Variants in SLAIN2 observed in about 807,000 individuals in gnomAD.
SLAIN2 encodes the protein SLAIN family member 2, also known as SLAIN motif-containing protein 2.
Under a neutral mutation model 56.6 loss-of-function variants are expected in SLAIN2, and 31 were observed. That is an observed-to-expected ratio of 0.55 (90% CI 0.41 to 0.74). SLAIN2 has a LOEUF of 0.74. SLAIN2 is among the 30% of genes least tolerant of loss of function. The pLI is 0.00. For missense variants in SLAIN2, 777 were observed against 754.2 expected, an observed-to-expected ratio of 1.03 and a Z score of -0.35; for synonymous variants, 317 against 284.9, an observed-to-expected ratio of 1.11 and a Z score of -1.13.
intron 6 of SLAIN2, among the ~76,000 whole-genome samples, chr4:48,418,745 A>G (rs1717065076): frequency 3.9e-5 from 6 of 152,098 alleles, no homozygotes; most frequent in Admixed American, 3.3e-4. Flanking sequence ...CATTTGGTGG[A>G]ATTTCCCAAG....
At chr4:48,373,935 G>T (rs1427939816) in intron 2 of SLAIN2, among the ~76,000 whole-genome samples, 1 of 152,142 alleles carries the variant, frequency 6.6e-6, no homozygotes, top group Non-Finnish European at 1.5e-5. Flanking sequence ...CTACTCGGGA[G>T]GCTGAGGCAG....
intron 1 of SLAIN2, among the ~76,000 whole-genome samples, chr4:48,363,835 C>T (rs1288705194): frequency 2.9e-5 from 4 of 137,172 alleles, no homozygotes; most frequent in East Asian, 2.3e-4. Flanking sequence ...GGTGGCTGGC[C>T]GGGCTGAGGG....
chr4:48,419,870 A>G (rs1717100807), intron 6 of SLAIN2, among the ~76,000 whole-genome samples: 1 of 152,172 alleles, frequency 6.6e-6, no homozygotes, highest in Non-Finnish European at 1.5e-5. Flanking sequence ...CTCTTCTGGT[A>G]TTATGGATTC....
chr4:48,425,706 A>G lies in SLAIN2; in HGVS notation c.*3629A>G, dbSNP rs1472331286. On this transcript the variant is annotated 3_prime_UTR_variant, in exon 8 of 8. Transcript: ENST00000264313. ...CACTATACTTGTATTATAAATCAAT[A>G]CATAAGTTTAAACCTGTTATATACT... 2 of 152,200 alleles carry G rather than the reference A, an allele frequency of 1.3e-5. No individual in the cohort carries two copies. The highest frequency in any genetic ancestry group is 2.9e-5 in the Non-Finnish European group (2 of 68,022). 9.4% of individuals were successfully genotyped at this position (152,200 alleles called of 1,614,324 possible). A position where few individuals can be genotyped will look rare whatever the true frequency, so the allele number is the denominator to read the frequency against.
At chr4:48,412,365 T>TAC (rs748099130) in intron 6 of SLAIN2, among the ~76,000 whole-genome samples, 11,589 of 112,428 alleles carry the variant, frequency 0.1, 623 homozygotes, top group Non-Finnish European at 0.12. Flanking sequence ...TTTGTATATG[T>TAC]ACACACACAC....
intron 6 of SLAIN2, among the ~76,000 whole-genome samples, chr4:48,418,892 G>A (rs1223916471): frequency 1.3e-5 from 2 of 152,072 alleles, no homozygotes; most frequent in Non-Finnish European, 2.9e-5. Context: ...TTTTGTGTCT[G>A]GCACTCATTT....
rs1716007218 is a variant in SLAIN2, at chr4:48,382,929, T to TA, written c.1222+6dup. On this transcript the variant is annotated splice_region_variant and intron_variant, in intron 5 of 7. Transcript: ENST00000264313. ...AGACAAGCAATGTTAAAAATGAAGGTAAAATAGCAGATTTTACTAATAATT... is the reference window on the plus strand; with the variant it reads ...AGACAAGCAATGTTAAAAATGAAGGTAAAAATAGCAGATTTTACTAATAATT... The TA allele has an allele frequency of 6.3e-7, 1 of 1,593,218 alleles. No individual in the cohort carries two copies. Among genetic ancestry groups the TA allele is most frequent in the East Asian group, 2.3e-5 (1 of 44,210 alleles).
chr4:48,371,701 T>C (rs765317657), intron 2 of SLAIN2, among the ~76,000 whole-genome samples: 6 of 151,994 alleles, frequency 3.9e-5, no homozygotes, highest in Non-Finnish European at 5.9e-5. Context: ...ACACCTGTAA[T>C]CCCAGCTGAT....
At chr4:48,377,754 T>C in intron 2 of SLAIN2, 142 bp from the exon 3 acceptor site, 1 of 785,794 alleles carries the variant, frequency 1.3e-6, no homozygotes, top group Non-Finnish European at 2.0e-6. Flanking sequence ...GGGATTATTA[T>C]ATTTTTTCCC....
intron 6 of SLAIN2, among the ~76,000 whole-genome samples, chr4:48,390,351 A>C (rs573654056): frequency 5.9e-5 from 9 of 152,028 alleles, no homozygotes; most frequent in African/African-American, 2.2e-4. Flanking sequence ...ATGACTCTAA[A>C]TCAAAACTTC....
At chr4:48,370,963 G>A (rs1715646914) in intron 2 of SLAIN2, among the ~76,000 whole-genome samples, 1 of 152,158 alleles carries the variant, frequency 6.6e-6, no homozygotes, top group Admixed American at 6.5e-5. Flanking sequence ...AGTTTATTTG[G>A]TGATAAGGGG....
Position 48,341,891 on chromosome 4 carries a change from G to T in SLAIN2, c.152G>T (p.Arg51Leu), listed in dbSNP as rs761113120. 3.3e-6 allele frequency: 5 copies of T among 1,513,502 alleles called. No homozygotes were observed. The highest frequency in any genetic ancestry group is 3.5e-6 in the Non-Finnish European group (4 of 1,131,946). The allele number at this position is 1,513,502 out of a possible 1,614,324, so 93.8% of individuals were successfully genotyped here. Residue 51 changes from arginine to leucine, a missense_variant, in exon 1 of 8, where the codon CGG becomes CTG. Coordinates refer to ENST00000264313, the MANE Select transcript of SLAIN2 (RefSeq NM_020846.2). ...TCCCTTGGGCCCGGCAGCCCGGTTC[G>T]GGCCGGCGCGTCCATTCCCTCCTCC... ...AGSLGPGSPVRAGASIPSSGA... is the reference protein window; with the variant it reads ...AGSLGPGSPVLAGASIPSSGA...
intron 1 of SLAIN2, among the ~76,000 whole-genome samples, chr4:48,353,673 A>G (rs1383852508): frequency 6.6e-6 from 1 of 152,182 alleles, no homozygotes; most frequent in East Asian, 1.9e-4. Context: ...GCTGTGGAGT[A>G]TATCTGATGG....
At chr4:48,408,530 C>CAA (rs3072283) in intron 6 of SLAIN2, among the ~76,000 whole-genome samples, 35,336 of 108,876 alleles carry the variant, frequency 0.32, 6,345 homozygotes, top group South Asian at 0.49. Flanking sequence ...CCGTTTTTAG[C>CAA]AAAAAAAAAA....
rs538719194 is a variant in SLAIN2 at position 48,422,390 on chromosome 4, C to G, written c.*313C>G. The G allele has an allele frequency of 4.3e-6, 1 of 231,604 alleles. No individual in the cohort carries two copies. Among genetic ancestry groups the G allele is most frequent in the South Asian group, 1.0e-4 (1 of 9,578 alleles). The allele number at this position is 231,604 out of a possible 1,614,324, so 14.3% of individuals were successfully genotyped here. On this transcript the variant is annotated 3_prime_UTR_variant, in exon 8 of 8. Transcript: ENST00000264313. ...ATCTGGGCAAATACCTAATGGATGC[C>G]AAAGAGAAATGCCCATTTGTAAATG... is the stretch of plus-strand genomic sequence containing the variant.
chr4:48,379,815 G>C lies in SLAIN2; in HGVS notation c.829G>C (p.Asp277His). The C allele has an allele frequency of 6.3e-7, 1 of 1,575,932 alleles. No individual in the cohort carries two copies. Among genetic ancestry groups the C allele is most frequent in the Non-Finnish European group, 8.6e-7 (1 of 1,166,908 alleles). The part of the protein sequence containing the change: ...GSNYKLNDVT[D>H]VQILARMQEE... ...CAATTATAAGCTAAATGATGTAACT[G>C]ATGTACAGATTCTAGCCCGGATGCA... The change falls in exon 4 of 8, where the codon GAT (aspartate) becomes CAT (histidine). Residue 277 changes from aspartate to histidine, a missense_variant. Coordinates refer to ENST00000264313, the MANE Select transcript of SLAIN2 (RefSeq NM_020846.2).
At chr4:48,344,138 G>GACC (rs1714799096) in intron 1 of SLAIN2, among the ~76,000 whole-genome samples, 1 of 152,092 alleles carries the variant, frequency 6.6e-6, no homozygotes. Context: ...AGTTTCTTTT[G>GACC]ACCAGATGAT....
At chr4:48,421,682 A>C (rs1717160295) in intron 7 of SLAIN2, among the ~76,000 whole-genome samples, 1 of 151,996 alleles carries the variant, frequency 6.6e-6, no homozygotes, top group Admixed American at 6.6e-5. Flanking sequence ...CTAATATCAC[A>C]TTCATCATTC....
chr4:48,403,682 A>T (rs1308232649), intron 6 of SLAIN2, among the ~76,000 whole-genome samples: 1 of 152,144 alleles, frequency 6.6e-6, no homozygotes, highest in East Asian at 1.9e-4. Context: ...AGGTCTTGTG[A>T]GGTGCCGTGG....
Sources: gnomAD v4.1 joint callset for allele counts (sites outside exome capture counted in the v4.1 genomes callset) on GRCh38, gnomAD v4.1.1 for gene constraint, MANE v1.5 for transcripts, NCBI Gene and HGNC (gene_info 2026-07-23, HGNC 2026-07-21) for gene names.